Variants in PRKN observed in about 807,000 individuals in gnomAD.
The protein encoded by PRKN is E3 ubiquitin-protein ligase parkin.
Under a neutral mutation model 59.5 loss-of-function variants are expected in PRKN, and 56 were observed. The observed-to-expected ratio is 0.94, with a 90% confidence interval of 0.76 to 1.18. The LOEUF (loss-of-function observed/expected upper bound fraction) is 1.18. Among genes scored for constraint, PRKN ranks in the 50% most tolerant of loss-of-function variants. The pLI is 0.00. For synonymous variants in PRKN, 250 were observed against 222.1 expected (o/e 1.13, Z -1.12); for missense variants, 657 against 596.4 (o/e 1.10, Z -1.06).
intron 1 of PRKN, among the ~76,000 whole-genome samples, chr6:162,605,652 T>A (rs773956390): frequency 1.3e-5 from 2 of 152,134 alleles, no homozygotes; most frequent in Admixed American, 1.3e-4. Flanking sequence ...TAGCAAGAAA[T>A]GTTTACCTGT....
chr6:161,824,081 C>G (rs1583210797), intron 6 of PRKN, among the ~76,000 whole-genome samples: 1 of 152,256 alleles, frequency 6.6e-6, no homozygotes, highest in Non-Finnish European at 1.5e-5. Flanking sequence ...GTAACATACT[C>G]CCAGGTGTTT....
intron 6 of PRKN, among the ~76,000 whole-genome samples, chr6:161,897,984 A>AAAAAAAAAAAAAAAAAAAAAAAAAAAAT (rs1554244227): frequency 3.4e-5 from 4 of 117,662 alleles, no homozygotes; most frequent in African/African-American, 1.7e-4. Flanking sequence ...AAAAAAAAAA[A>AAAAAAAAAAAAAAAAAAAAAAAAAAAAT]GTCTCCCAGT....
At chr6:162,164,398 C>T (rs1229694958) in intron 4 of PRKN, among the ~76,000 whole-genome samples, 3 of 148,058 alleles carry the variant, frequency 2.0e-5, no homozygotes, top group African/African-American at 7.7e-5. Flanking sequence ...TTAGTAGTGA[C>T]GGTGTGTTTC....
At chr6:161,806,247 T>A (rs546488216) in intron 6 of PRKN, among the ~76,000 whole-genome samples, 60 of 152,182 alleles carry the variant, frequency 3.9e-4, no homozygotes, top group Non-Finnish European at 6.9e-4. Flanking sequence ...AGCCTGCCCA[T>A]CTGCAGCAGA....
intron 9 of PRKN, among the ~76,000 whole-genome samples, chr6:161,511,876 A>G (rs1332838511): frequency 1.3e-5 from 2 of 152,206 alleles, no homozygotes; most frequent in African/African-American, 4.8e-5. Flanking sequence ...TGGGAGAAGA[A>G]TATCTCACTT....
At position 161,576,964 on chromosome 6, in the gene PRKN, T is replaced by C. The variant is rs1282440825; in HGVS notation, c.872-7548A>G. Among the ~76,000 whole-genome samples, 2 of 152,200 alleles carry C rather than the reference T, an allele frequency of 1.3e-5. No individual in the cohort carries two copies. The highest frequency in any genetic ancestry group is 4.8e-5 in the African/African-American group (2 of 41,446). ...TAGAGAATCTATTAAACAATGTCGATGCACGCAAATATACTAAGAATATAA... is the reference window on the plus strand; with the variant it reads ...TAGAGAATCTATTAAACAATGTCGACGCACGCAAATATACTAAGAATATAA... On this transcript the variant is annotated intron_variant, in intron 7 of 11. Coordinates refer to ENST00000366898, the MANE Select transcript of PRKN (RefSeq NM_004562.3). The surrounding 1 kb of genome is among the most constrained non-coding windows in gnomAD (Gnocchi z 4.6).
chr6:162,224,589 G>A (rs1054628265), intron 3 of PRKN, among the ~76,000 whole-genome samples: 16 of 152,144 alleles, frequency 1.1e-4, no homozygotes, highest in African/African-American at 2.7e-4. Context: ...GATGCGTGCC[G>A]TCATTTATAC....
intron 2 of PRKN, among the ~76,000 whole-genome samples, chr6:162,320,362 C>A (rs908841128): frequency 1.8e-3 from 13 of 7,292 alleles, no homozygotes; most frequent in East Asian, 7.8e-3. Flanking sequence ...TACAAAAAGC[C>A]AAAAAAAAAA....
intron 7 of PRKN, chr6:161,783,523 C>A: frequency 2.3e-6 from 1 of 440,014 alleles, no homozygotes. Context: ...TTTTTCCTTA[C>A]TTTTGTATGT....
chr6:161,702,184 A>G lies in PRKN; in HGVS notation c.871+83588T>C, dbSNP rs1786280136. On this transcript the variant is annotated intron_variant, in intron 7 of 11. Transcript: ENST00000366898. The stretch of plus-strand genomic sequence containing the variant: ...ACATAAGAAGATTAGGTTCTATAAT[A>G]GTAAAAATGCCATCGGAAGATGAGA... 2.0e-5 allele frequency among the ~76,000 whole-genome samples: 3 copies of G among 152,232 alleles called. No homozygotes were observed. In the South Asian group the frequency reaches 6.2e-4, roughly 32 times the overall value.
chr6:162,655,607 A>G (rs1778615087), intron 1 of PRKN, among the ~76,000 whole-genome samples: 1 of 152,226 alleles, frequency 6.6e-6, no homozygotes, highest in African/African-American at 2.4e-5. Context: ...TGGTTTTAAC[A>G]GGGAAAAAAA....
intron 5 of PRKN, among the ~76,000 whole-genome samples, chr6:162,021,438 AATATATAT>A (rs1193427302): frequency 2.2e-4 from 26 of 120,784 alleles, no homozygotes; most frequent in East Asian, 1.5e-3. Context: ...CATTACAGGG[AATATATAT>A]ATATATATAT....
chr6:162,116,149 A>G (rs536227365), intron 4 of PRKN, among the ~76,000 whole-genome samples: 1 of 152,370 alleles, frequency 6.6e-6, no homozygotes, highest in South Asian at 2.1e-4. Flanking sequence ...TACAATCATT[A>G]AGAATAATCA....
chr6:161,675,311 G>A (rs551466869), intron 7 of PRKN, among the ~76,000 whole-genome samples: 15 of 152,210 alleles, frequency 9.9e-5, no homozygotes, highest in African/African-American at 2.6e-4. Flanking sequence ...GACTAACTAC[G>A]GTCACATAAG....
chr6:161,717,183 T>C (rs956637178), intron 7 of PRKN, among the ~76,000 whole-genome samples: 1 of 152,200 alleles, frequency 6.6e-6, no homozygotes, highest in Non-Finnish European at 1.5e-5. Flanking sequence ...GACATTTCTT[T>C]CTTACAGTTC....
rs143873871 is a variant in PRKN, at chr6:161,544,276, C to T, written c.1083+4578G>A. On this transcript the variant is annotated intron_variant, in intron 9 of 11. Coordinates refer to ENST00000366898, the MANE Select transcript of PRKN (RefSeq NM_004562.3). This position sits in a 1 kb window ranked among gnomAD's most constrained non-coding sequence, Gnocchi z 5.5. ...TTTCTAATGGACTTTTTGTGGATCC[C>T]TGAACATAGTGTTATTTTGGTTTTC... 9.6e-4 allele frequency among the ~76,000 whole-genome samples: 146 copies of T among 152,166 alleles called. 3 individuals are homozygous for T. In the East Asian group the frequency reaches 0.024, roughly 25 times the overall value.
chr6:162,543,133 A>C (rs1467238282), intron 1 of PRKN, among the ~76,000 whole-genome samples: 17 of 152,070 alleles, frequency 1.1e-4, no homozygotes, highest in Admixed American at 1.1e-3. Context: ...CTCTGATCAC[A>C]ATTTCCGAAC....
At chr6:161,661,547 C>G (rs1310620418) in intron 7 of PRKN, among the ~76,000 whole-genome samples, 1 of 98,034 alleles carries the variant, frequency 1.0e-5, no homozygotes. Flanking sequence ...CCTCTGTCAC[C>G]TGCTTCCATT....
At chr6:162,396,679 C>T (rs1193024417) in intron 2 of PRKN, among the ~76,000 whole-genome samples, 1 of 152,156 alleles carries the variant, frequency 6.6e-6, no homozygotes, top group Admixed American at 6.5e-5. Context: ...ACATTTGTTA[C>T]AGAAACATAA....
Sources: allele counts gnomAD v4.1 joint callset (sites outside exome capture counted in the v4.1 genomes callset), GRCh38; gene constraint gnomAD v4.1.1; non-coding constraint Gnocchi (gnomAD v3.1); transcripts MANE v1.5; gene names NCBI Gene and HGNC (gene_info 2026-07-23, HGNC 2026-07-21).